Variants in HDAC5 observed in about 807,000 individuals in gnomAD.
HDAC5 encodes the protein antigen NY-CO-9.
Under a neutral mutation model 133.3 loss-of-function variants are expected in HDAC5, and 25 were observed. That is an observed-to-expected ratio of 0.19 (90% CI 0.14 to 0.26). The LOEUF is 0.26. HDAC5 is among the 10% of genes least tolerant of loss of function. The pLI is 1.00. For missense variants in HDAC5, 1,041 were observed against 1,460.5 expected (o/e 0.71, Z 4.68); for synonymous variants, 589 against 610.8 (o/e 0.96, Z 0.53).
chr17:44,087,429 C>T lies in HDAC5; in HGVS notation c.1867G>A (p.Gly623Ser). ...GGGCTCACTTTTTTGTATCCAGCACCAGGCTCCTCCAAGTCGGGCCCCTCC... is the reference window on the plus strand; with the variant it reads ...GGGCTCACTTTTTTGTATCCAGCACTAGGCTCCTCCAAGTCGGGCCCCTCC... ...AEEGPDLEEP[G>S]AGYKKLFSDA... is the part of the protein sequence containing the mutation. Residue 623 changes from glycine to serine, a missense_variant, in exon 13 of 27, where the codon GGT becomes AGT. Physicochemically the swap from Gly to Ser is moderately conservative, Grantham distance 56. Around this residue, in one of 9 missense-constraint regions of HDAC5, gnomAD observed 433 missense variants for 531.6 expected, o/e 0.81. Coordinates refer to ENST00000682912, the MANE Select transcript of HDAC5 (RefSeq NM_005474.5). The T allele has an allele frequency of 1.8e-6, 2 of 1,111,308 alleles. No homozygotes were observed. Among genetic ancestry groups the T allele is most frequent in the South Asian group, 1.2e-5 (1 of 80,626 alleles). 68.8% of individuals were successfully genotyped at this position (1,111,308 alleles called of 1,614,324 possible). A position where few individuals can be genotyped will look rare whatever the true frequency, so the allele number is the denominator to read the frequency against.
intron 11 of HDAC5, among the ~76,000 whole-genome samples, chr17:44,088,804 A>G (rs2050793228): frequency 6.6e-6 from 1 of 152,114 alleles, no homozygotes; most frequent in Non-Finnish European, 1.5e-5. Context: ...CACAGCTCTA[A>G]GGTACCACCT....
chr17:44,079,036 C>A, intron 24 of HDAC5, 108 bp downstream of exon 24: 1 of 1,527,034 alleles, frequency 6.5e-7, no homozygotes, highest in South Asian at 1.2e-5. Context: ...ATTAGCTGTT[C>A]CTTAGGACCA....
Position 44,118,029 on chromosome 17 carries a change from G to A in HDAC5, c.-189-325C>T, listed in dbSNP as rs115849766. 8.0e-3 allele frequency among the ~76,000 whole-genome samples: 1,226 copies of A among 152,322 alleles called. 19 individuals are homozygous for A. Among genetic ancestry groups the A allele is most frequent in the African/African-American group, 0.028 (1,147 of 41,584 alleles). On this transcript the variant is annotated intron_variant, in intron 1 of 26. Transcript: ENST00000682912. ...CCATGGGACTAGGTGTGCACCAAAG[G>A]AGAAAGTGCAGGGGGGCTTCTGATC...
intron 14 of HDAC5, chr17:44,085,401 A>G (rs2050599249): frequency 6.0e-6 from 2 of 336,056 alleles, no homozygotes; most frequent in Non-Finnish European, 1.1e-5. Flanking sequence ...TGGTGCTATC[A>G]TGGCTCACTG....
intron 18 of HDAC5, among the ~76,000 whole-genome samples, chr17:44,083,282 T>C (rs927538984): frequency 6.6e-6 from 1 of 152,308 alleles, no homozygotes; most frequent in East Asian, 1.9e-4. Flanking sequence ...CAACGGACCA[T>C]TTTGAATGCC....
chr17:44,104,753 C>G (rs2051829687), intron 3 of HDAC5, among the ~76,000 whole-genome samples: 2 of 152,138 alleles, frequency 1.3e-5, no homozygotes, highest in South Asian at 4.1e-4. Context: ...CTCGGGGCCC[C>G]CAGCTGCAAG....
At position 44,087,496 on chromosome 17, in the gene HDAC5, ATCCTCCTCCTCCTCCCCATCGTCTTCC is replaced by A; in HGVS notation, c.1773_1799del (p.Glu591_Glu599del). ...CCTCCTCGTCCTTAACCTGGATGCA[ATCCTCCTCCTCCTCCCCATCGTCTTCC>A]TCGTCCTCCTCCTCCAGGTCTTCCT... On this transcript the variant is annotated inframe_deletion, in exon 13 of 27. Transcript: ENST00000682912. 6.3e-7 allele frequency: 1 copy of A among 1,580,970 alleles called. No individual in the cohort carries two copies. Among genetic ancestry groups the A allele is most frequent in the Non-Finnish European group, 8.7e-7 (1 of 1,150,970 alleles).
chr17:44,079,022 G>A, intron 24 of HDAC5, 122 bp downstream of exon 24: 2 of 1,501,404 alleles, frequency 1.3e-6, no homozygotes, highest in African/African-American at 1.4e-5. Flanking sequence ...CAGAAAGCCT[G>A]GCCATTAGCT....
rs767629398 is a variant in HDAC5 at position 44,078,394 on chromosome 17, C to G, written c.3351G>C (p.Glu1117Asp). The change falls in exon 27 of 27, where the codon GAG (glutamate) becomes GAC (aspartate). Residue 1117 changes from glutamate (E) to aspartate (D), a missense_variant. Physicochemically the swap from Glu to Asp is conservative, Grantham distance 45. Transcript: ENST00000682912. ...CGGGGCGTCACAGGGCAGGCTCCTG[C>G]TCCATGGGCTCCTCTGCCGGCCTGT... ...HSPRPAEEPM[E>D]QEPAL 6.5e-7 allele frequency: 1 copy of G among 1,527,268 alleles called. No individual in the cohort carries two copies. Among genetic ancestry groups the G allele is most frequent in the Non-Finnish European group, 8.8e-7 (1 of 1,137,322 alleles). The allele number at this position is 1,527,268 out of a possible 1,614,324, so 94.6% of individuals were successfully genotyped here.
At chr17:44,109,327 A>C (rs2052191288) in intron 3 of HDAC5, among the ~76,000 whole-genome samples, 2 of 152,154 alleles carry the variant, frequency 1.3e-5, no homozygotes, top group Non-Finnish European at 2.9e-5. Context: ...GACCAGGATA[A>C]GAACCAGCCC....
At chr17:44,089,561 G>A (rs561614730) in intron 11 of HDAC5, among the ~76,000 whole-genome samples, 3 of 151,052 alleles carry the variant, frequency 2.0e-5, no homozygotes, top group Admixed American at 1.3e-4. Context: ...CCTGGCCAAC[G>A]TGGTGAAACT....
Position 44,079,169 on chromosome 17 carries a change from C to G in HDAC5, c.3053G>C (p.Cys1018Ser). The change falls in exon 24 of 27, where the codon TGT becomes TCT. Residue 1018 changes from cysteine to serine, a missense_variant. Physicochemically the swap from Cys to Ser is moderately radical, Grantham distance 112 (BLOSUM62 -1). Around this residue, in one of 9 missense-constraint regions of HDAC5, gnomAD observed 174 missense variants for 352.7 expected, o/e 0.49. Coordinates refer to ENST00000682912, the MANE Select transcript of HDAC5 (RefSeq NM_005474.5). Reference sequence around the variant, plus strand: ...CTCTACACTGAGCAGAGCCGAGACACAAGCCTCAGAGGCATCACAGATGGC... The same window carrying G: ...CTCTACACTGAGCAGAGCCGAGACAGAAGCCTCAGAGGCATCACAGATGGC... The part of the protein sequence containing the change: ...LTAICDASEA[C>S]VSALLSVELQ... The G allele has an allele frequency of 6.2e-7, 1 of 1,613,404 alleles. No homozygotes were observed. Among genetic ancestry groups the G allele is most frequent in the Non-Finnish European group, 8.5e-7 (1 of 1,179,432 alleles).
chr17:44,107,607 CAAAAAAAAAAA>C (rs61428400), intron 3 of HDAC5, among the ~76,000 whole-genome samples: 75 of 88,696 alleles, frequency 8.5e-4, no homozygotes, highest in African/African-American at 3.3e-3. Context: ...GACTCCGTAT[CAAAAAAAAAAA>C]AAAAAAAAAA....
chr17:44,103,711 CTT>C (rs746802870), intron 3 of HDAC5, among the ~76,000 whole-genome samples: 13 of 141,354 alleles, frequency 9.2e-5, no homozygotes, highest in Admixed American at 1.4e-4. Context: ...ATGGTTTTTT[CTT>C]TTTTTTTTTT....
At chr17:44,119,044 A>G (rs544649175) in intron 1 of HDAC5, among the ~76,000 whole-genome samples, 1 of 152,348 alleles carries the variant, frequency 6.6e-6, no homozygotes, top group East Asian at 1.9e-4. Flanking sequence ...CTGGGACCAC[A>G]GGGCTTGGAC....
chr17:44,085,988 T>G (rs889577823), intron 14 of HDAC5, among the ~76,000 whole-genome samples: 1 of 152,114 alleles, frequency 6.6e-6, no homozygotes, highest in African/African-American at 2.4e-5. Context: ...TGAAATTCCT[T>G]TGCTCCATTA....
chr17:44,089,453 A>G (rs1010831125), intron 11 of HDAC5, among the ~76,000 whole-genome samples: 2 of 152,158 alleles, frequency 1.3e-5, no homozygotes, highest in African/African-American at 4.8e-5. Flanking sequence ...TACTAAAAAT[A>G]CAAAAATTAG....
At chr17:44,088,707 A>G in intron 11 of HDAC5, 109 bp from the exon 12 acceptor site, 1 of 1,448,868 alleles carries the variant, frequency 6.9e-7, no homozygotes, top group South Asian at 1.4e-5. Flanking sequence ...CACCACCTAT[A>G]TACTCAGGAA....
At chr17:44,100,270 A>G (rs1567674216) in intron 3 of HDAC5, among the ~76,000 whole-genome samples, 1 of 152,070 alleles carries the variant, frequency 6.6e-6, no homozygotes, top group Non-Finnish European at 1.5e-5. Flanking sequence ...CTCAGAGACA[A>G]CATCTCCAAC....
Sources: gnomAD v4.1 joint callset for allele counts (sites outside exome capture counted in the v4.1 genomes callset) on GRCh38, gnomAD v4.1.1 for gene constraint, gnomAD v4.1.1 regional missense constraint, MANE v1.5 for transcripts, NCBI Gene and HGNC (gene_info 2026-07-23, HGNC 2026-07-21) for gene names.